Variants in HTR2C observed in about 807,000 individuals in gnomAD.
HTR2C encodes the protein 5-hydroxytryptamine (serotonin) receptor 2C, G protein-coupled.
Under a neutral mutation model 21.0 loss-of-function variants are expected in HTR2C, and 5 were observed. The ratio of observed to expected loss-of-function variants is 0.24; its 90% CI spans 0.12 to 0.50. The LOEUF (loss-of-function observed/expected upper bound fraction) is 0.50. Among genes scored for constraint, HTR2C ranks in the 20% least tolerant of loss-of-function variants. The pLI is 0.98. For missense variants in HTR2C, 271 were observed against 371.2 expected, an observed-to-expected ratio of 0.73 and a Z score of 2.22; for synonymous variants, 150 against 145.3, an observed-to-expected ratio of 1.03 and a Z score of -0.23.
Position 114,848,119 on chromosome X carries a change from A to G in HTR2C, c.466A>G (p.Ile156Val). 8.3e-7 allele frequency: 1 copy of G among 1,210,590 alleles called. No individual in the cohort carries two copies. Among genetic ancestry groups the G allele is most frequent in the Non-Finnish European group, 1.1e-6 (1 of 894,251 alleles). Reference sequence around the variant, plus strand: ...TATATCGCTGGATCGGTATGTAGCAATACGTAATCCTATTGAGCATAGCCG... The same window carrying G: ...TATATCGCTGGATCGGTATGTAGCAGTACGTAATCCTATTGAGCATAGCCG... ...CAISLDRYVA[I>V]RNPIEHSRFN... The change falls in exon 5 of 6, where the codon ATA (isoleucine) becomes GTA (valine). Residue 156 changes from isoleucine to valine, a missense_variant. Physicochemically the swap from Ile to Val is conservative, Grantham distance 29. Transcript: ENST00000276198.
At chrX:114,870,992 T>C (rs1556476376) in intron 5 of HTR2C, among the ~76,000 whole-genome samples, 1 of 111,634 alleles carries the variant, frequency 9.0e-6, no homozygotes, top group African/African-American at 3.3e-5. Context: ...TCTTGCTTTT[T>C]TTAGTTCTTT....
intron 1 of HTR2C, among the ~76,000 whole-genome samples, chrX:114,607,855 G>T (rs976657236): frequency 9.1e-6 from 1 of 110,451 alleles, no homozygotes; most frequent in Non-Finnish European, 1.9e-5. Flanking sequence ...GGGCATGGTG[G>T]TGCGTGCCTG....
At chrX:114,606,564 G>A (rs957544579) in intron 1 of HTR2C, among the ~76,000 whole-genome samples, 1 of 111,891 alleles carries the variant, frequency 8.9e-6, no homozygotes, top group African/African-American at 3.3e-5. Flanking sequence ...TAAGAGAAGG[G>A]AGAGATTGAA....
intron 2 of HTR2C, among the ~76,000 whole-genome samples, chrX:114,689,205 TGC>T (rs1203086796): frequency 9.1e-5 from 5 of 55,066 alleles, no homozygotes; most frequent in African/African-American, 3.8e-4. Flanking sequence ...ATGGTATGTA[TGC>T]GTATATATAT....
chrX:114,801,176 T>C (rs4641239), intron 4 of HTR2C, among the ~76,000 whole-genome samples: 1 of 111,490 alleles, frequency 9.0e-6, no homozygotes, highest in Admixed American at 9.6e-5. Flanking sequence ...TGCTTAAGCA[T>C]ACAGTATTAA....
chrX:114,708,697 C>T (rs782795289), intron 2 of HTR2C, among the ~76,000 whole-genome samples: 1 of 110,801 alleles, frequency 9.0e-6, no homozygotes, highest in Admixed American at 9.7e-5. Flanking sequence ...GTCCTACCTA[C>T]TAGGTAGGCT....
chrX:114,771,751 G>A (rs782253388), intron 4 of HTR2C, among the ~76,000 whole-genome samples: 1 of 112,202 alleles, frequency 8.9e-6, no homozygotes, highest in East Asian at 2.8e-4. Flanking sequence ...GAGTTCACAG[G>A]CTTAGGCAAC....
chrX:114,847,766 T>C (rs1445304627), intron 4 of HTR2C, among the ~76,000 whole-genome samples: 1 of 110,940 alleles, frequency 9.0e-6, no homozygotes, highest in Non-Finnish European at 1.9e-5. Context: ...CATTGGATTG[T>C]ACACTTTAAA....
At chrX:114,824,933 T>C (rs1304147632) in intron 4 of HTR2C, among the ~76,000 whole-genome samples, 1 of 112,004 alleles carries the variant, frequency 8.9e-6, no homozygotes, top group Non-Finnish European at 1.9e-5. Flanking sequence ...TTATGTATAA[T>C]ACCCATGTAA....
intron 2 of HTR2C, among the ~76,000 whole-genome samples, chrX:114,694,972 G>C (rs1344923533): frequency 9.0e-6 from 1 of 111,509 alleles, no homozygotes; most frequent in East Asian, 2.8e-4. Flanking sequence ...TTAAAATCAA[G>C]GGGCAAGAGT....
At chrX:114,760,211 TTTA>T (rs1157225828) in intron 4 of HTR2C, among the ~76,000 whole-genome samples, 1 of 111,372 alleles carries the variant, frequency 9.0e-6, no homozygotes, top group Non-Finnish European at 1.9e-5. Flanking sequence ...TAAACTACAA[TTTA>T]TTATTATTAT....
chrX:114,714,918 T>C, intron 2 of HTR2C, among the ~76,000 whole-genome samples: 2 of 111,862 alleles, frequency 1.8e-5, no homozygotes, highest in African/African-American at 6.5e-5. Context: ...GCTAGGGTGT[T>C]GAATGATACT....
At chrX:114,629,051 C>T (rs1556403605) in intron 2 of HTR2C, among the ~76,000 whole-genome samples, 5 of 111,818 alleles carry the variant, frequency 4.5e-5, no homozygotes, top group Non-Finnish European at 9.4e-5. Context: ...GTTATTTTTC[C>T]ATCTTTTTAT....
intron 5 of HTR2C, among the ~76,000 whole-genome samples, chrX:114,875,072 T>C (rs782567081): frequency 3.6e-5 from 4 of 111,358 alleles, no homozygotes; most frequent in East Asian, 5.7e-4. Flanking sequence ...CAGGCAGATT[T>C]CAGTGTCTGG....
Position 114,848,159 on chromosome X carries a change from C to T in HTR2C, c.506C>T (p.Thr169Ile), listed in dbSNP as rs202222247. Residue 169 changes from threonine (T) to isoleucine (I), a missense_variant, in exon 5 of 6, where the codon ACT (threonine) becomes ATT (isoleucine). Coordinates refer to ENST00000276198, the MANE Select transcript of HTR2C (RefSeq NM_000868.4). ...PIEHSRFNSR[T>I]KAIMKIAIVW... Reference sequence around the variant, plus strand: ...GAGCATAGCCGTTTCAATTCGCGGACTAAGGCCATCATGAAGATTGCTATT... The same window carrying T: ...GAGCATAGCCGTTTCAATTCGCGGATTAAGGCCATCATGAAGATTGCTATT... 1 of 1,209,601 alleles carries T rather than the reference C, an allele frequency of 8.3e-7. No homozygotes were observed.
chrX:114,875,661 T>G lies in HTR2C; in HGVS notation c.550+27458T>G, dbSNP rs1468141654. ...ACCGTTTATTGAAGAGAGAACCCTG[T>G]CCCCATTATGTATTTTTTATGCCCC... is the stretch of plus-strand genomic sequence containing the variant. On this transcript the variant is annotated intron_variant, in intron 5 of 5. Transcript: ENST00000276198. Among the ~76,000 whole-genome samples the G allele has an allele frequency of 1.1e-3, 118 of 111,158 alleles. 1 individual carries two copies. The highest frequency in any genetic ancestry group is 2.6e-3 in the East Asian group (9 of 3,519).
intron 5 of HTR2C, among the ~76,000 whole-genome samples, chrX:114,904,323 C>T (rs1194997675): frequency 8.9e-6 from 1 of 111,792 alleles, no homozygotes; most frequent in Non-Finnish European, 1.9e-5. Flanking sequence ...GATTTATCAG[C>T]CTGTGGACTG....
At position 114,797,437 on chromosome X, in the gene HTR2C, G is replaced by A. The variant is rs191541111; in HGVS notation, c.350-50566G>A. 4.8e-3 allele frequency among the ~76,000 whole-genome samples: 531 copies of A among 109,988 alleles called. 4 individuals carry two copies. The highest frequency in any genetic ancestry group is 0.017 in the African/African-American group (502 of 29,736). On this transcript the variant is annotated intron_variant, in intron 4 of 5. Transcript: ENST00000276198. ...TTCTTGTGAATACCATTTAATATAG[G>A]GTTTTCTAATTATTAAGAGTTCAGT... is the stretch of plus-strand genomic sequence containing the variant.
At chrX:114,630,020 T>A (rs1367367308) in intron 2 of HTR2C, among the ~76,000 whole-genome samples, 1 of 111,057 alleles carries the variant, frequency 9.0e-6, no homozygotes, top group African/African-American at 3.3e-5. Flanking sequence ...GGTGGCAGAT[T>A]TTCAGCGATA....
Sources: allele counts gnomAD v4.1 joint callset (sites outside exome capture counted in the v4.1 genomes callset), GRCh38; gene constraint gnomAD v4.1.1; transcripts MANE v1.5; gene names NCBI Gene and HGNC (gene_info 2026-07-23, HGNC 2026-07-21).